Variants in IL27RA observed in about 807,000 individuals in gnomAD.
The protein encoded by IL27RA is interleukin-27 receptor subunit alpha.
IL27RA carries 61 observed loss-of-function variants against 80.8 expected under a neutral mutation model. The observed-to-expected ratio is 0.76, with a 90% CI of 0.61 to 0.93. The LOEUF (loss-of-function observed/expected upper bound fraction) is 0.93, where lower values mean the gene tolerates loss of function less well. IL27RA is among the 40% of genes least tolerant of loss of function. The probability of loss-of-function intolerance (pLI) is 0.00; values close to 1 mark genes in which losing one functional copy is unlikely to be tolerated. For synonymous variants in IL27RA, 316 were observed against 332.5 expected, an observed-to-expected ratio of 0.95 and a Z score of 0.54; for missense variants, 735 against 808.1, an observed-to-expected ratio of 0.91 and a Z score of 1.10.
intron 1 of IL27RA, 73 bp from the exon 2 acceptor site, chr19:14,032,313 C>T: frequency 8.5e-7 from 1 of 1,182,658 alleles, no homozygotes; most frequent in Non-Finnish European, 1.2e-6. Flanking sequence ...GTCAGAAGTC[C>T]AAGTTCTGGG....
At position 14,039,880 on chromosome 19, in the gene IL27RA, C is replaced by A; in HGVS notation, c.504C>A (p.Tyr168Ter). 2 of 1,614,140 alleles carry A rather than the reference C, an allele frequency of 1.2e-6. No homozygotes were observed. The highest frequency in any genetic ancestry group is 1.7e-6 in the Non-Finnish European group (2 of 1,180,028). ...SHKVLICQFH[Y>*]RRCQEAAWTL... ...AAGTTCTGATCTGCCAGTTCCACTA[C>A]CGAAGATGTCAGGAGGCGGCCTGGA... Residue 168 changes from tyrosine to a stop codon, truncating the protein, a stop_gained, in exon 4 of 14, where the codon TAC becomes TAA. Coordinates refer to ENST00000263379, the MANE Select transcript of IL27RA (RefSeq NM_004843.4). LOFTEE classifies it high-confidence loss of function.
At chr19:14,044,896 C>G (rs1976041083) in intron 6 of IL27RA, among the ~76,000 whole-genome samples, 1 of 151,462 alleles carries the variant, frequency 6.6e-6, no homozygotes, top group African/African-American at 2.4e-5. Context: ...GAGGCCGAGG[C>G]GGGTGGATCA....
rs1202923594 is a variant in IL27RA at position 14,051,985 on chromosome 19, G to A, written c.1716+12G>A. On this transcript the variant is annotated intron_variant, in intron 13 of 13. Coordinates refer to ENST00000263379, the MANE Select transcript of IL27RA (RefSeq NM_004843.4). ...AGCCCCACATGGAGGTGAGTCAAAG[G>A]GCCGGCTAGTCGGAGCCCTCTGGGG... 1 of 1,579,492 alleles carries A rather than the reference G, an allele frequency of 6.3e-7. No individual in the cohort carries two copies. Among genetic ancestry groups the A allele is most frequent in the Non-Finnish European group, 8.6e-7 (1 of 1,161,248 alleles).
chr19:14,044,427 A>C (rs2145692491), intron 6 of IL27RA, among the ~76,000 whole-genome samples: 1 of 152,028 alleles, frequency 6.6e-6, no homozygotes, highest in East Asian at 1.9e-4. Context: ...TTTAGTAGAG[A>C]CGAGGTTTCA....
Position 14,037,834 on chromosome 19 carries a change from C to CTTTTTTTTTTTTTTT in IL27RA, c.219-1673_219-1659dup, listed in dbSNP as rs1555764856. Among the ~76,000 whole-genome samples, 402 of 129,288 alleles carry CTTTTTTTTTTTTTTT rather than the reference C, an allele frequency of 3.1e-3. 5 individuals carry two copies. Among genetic ancestry groups the CTTTTTTTTTTTTTTT allele is most frequent in the African/African-American group, 0.01 (371 of 35,404 alleles). 84.8% of individuals were successfully genotyped at this position (129,288 alleles called of 152,430 possible). ...AGTGAGACCCTCTCGCTCTCTCTCT[C>CTTTTTTTTTTTTTTT]TTTTTTTTTTTTTTTGAAATGGAGT... is the stretch of plus-strand genomic sequence containing the variant. On this transcript the variant is annotated intron_variant, in intron 2 of 13. Coordinates refer to ENST00000263379, the MANE Select transcript of IL27RA (RefSeq NM_004843.4).
chr19:14,044,755 G>T (rs1282890882), intron 6 of IL27RA, among the ~76,000 whole-genome samples: 2 of 151,704 alleles, frequency 1.3e-5, no homozygotes, highest in African/African-American at 4.9e-5. Flanking sequence ...AGAGTCTGAG[G>T]CAGGAGGACC....
At chr19:14,043,729 TAA>T (rs1976023637) in intron 6 of IL27RA, among the ~76,000 whole-genome samples, 1 of 151,534 alleles carries the variant, frequency 6.6e-6, no homozygotes, top group Admixed American at 6.6e-5. Flanking sequence ...TGGCCTGTGC[TAA>T]GAGTTTAAAT....
intron 2 of IL27RA, 31 bp downstream of exon 2, chr19:14,032,534 G>C: frequency 6.7e-7 from 1 of 1,485,010 alleles, no homozygotes; most frequent in Non-Finnish European, 9.4e-7. Context: ...TGGGGAAACA[G>C]GCTTTGGAGG....
chr19:14,040,548 C>T (rs374381644), intron 4 of IL27RA, among the ~76,000 whole-genome samples: 123 of 151,826 alleles, frequency 8.1e-4, no homozygotes, highest in African/African-American at 2.9e-3. Flanking sequence ...TGACCAGGTG[C>T]GGTGGCTCAC....
chr19:14,052,401 A>G lies in IL27RA; in HGVS notation c.*111A>G. 1.1e-6 allele frequency: 1 copy of G among 888,780 alleles called. No homozygotes were observed. The highest frequency in any genetic ancestry group is 1.6e-6 in the Non-Finnish European group (1 of 617,466). The allele number at this position is 888,780 out of a possible 1,614,324, so 55.1% of individuals were successfully genotyped here. Reference sequence around the variant, plus strand: ...GGATGAAGACACTGAGGACTCAGAGAGGCTGAGTCACTTACCTGAGGACAC... The same window carrying G: ...GGATGAAGACACTGAGGACTCAGAGGGGCTGAGTCACTTACCTGAGGACAC... On this transcript the variant is annotated 3_prime_UTR_variant, in exon 14 of 14. Coordinates refer to ENST00000263379, the MANE Select transcript of IL27RA (RefSeq NM_004843.4).
chr19:14,042,355 C>A, intron 4 of IL27RA, 98 bp from the exon 5 acceptor site: 1 of 1,312,050 alleles, frequency 7.6e-7, no homozygotes, highest in Non-Finnish European at 1.1e-6. Flanking sequence ...CACAACGAGA[C>A]TGTCTCAAAA....
intron 4 of IL27RA, among the ~76,000 whole-genome samples, chr19:14,041,241 A>C (rs1975985653): frequency 6.6e-6 from 1 of 150,958 alleles, no homozygotes; most frequent in Non-Finnish European, 1.5e-5. Context: ...TGTGTTGCCC[A>C]GGCTGGAGTG....
At chr19:14,035,092 T>TG (rs999226329) in intron 2 of IL27RA, among the ~76,000 whole-genome samples, 7 of 151,536 alleles carry the variant, frequency 4.6e-5, no homozygotes, top group African/African-American at 1.7e-4. Flanking sequence ...CAGGCTCAGG[T>TG]GATCCTCCCA....
chr19:14,032,014 C>A, intron 1 of IL27RA, 42 bp downstream of exon 1: 2 of 1,526,796 alleles, frequency 1.3e-6, no homozygotes, highest in African/African-American at 1.4e-5. Context: ...GCTGCCGCTG[C>A]GCTCCCCGCG....
rs1975822566 is a variant in IL27RA, at chr19:14,031,981, T to C, written c.100+9T>C. The C allele has an allele frequency of 6.2e-7, 1 of 1,602,686 alleles. No individual in the cohort carries two copies. Among genetic ancestry groups the C allele is most frequent in the South Asian group, 1.1e-5 (1 of 89,776 alleles). On this transcript the variant is annotated intron_variant, in intron 1 of 13. Transcript: ENST00000263379. ...GCGGACGCGTCCCCAGGGTGAGTGC[T>C]GGAGGGAGCTCGTGTCCCGGGCGCT...
chr19:14,048,845 T>C (rs1047777802), intron 8 of IL27RA, 136 bp from the exon 9 acceptor site: 7 of 774,790 alleles, frequency 9.0e-6, no homozygotes, highest in Non-Finnish European at 1.1e-5. Flanking sequence ...TTTTCTGGGA[T>C]TACCTCCTAG....
At chr19:14,042,861 G>A (rs774281805) in intron 6 of IL27RA, 72 bp downstream of exon 6, 17 of 1,328,440 alleles carry the variant, frequency 1.3e-5, no homozygotes, top group African/African-American at 4.3e-5. Flanking sequence ...ACATAAGGCC[G>A]GATGCAGTGG....
chr19:14,038,611 G>C (rs943965378), intron 2 of IL27RA, among the ~76,000 whole-genome samples: 1 of 150,890 alleles, frequency 6.6e-6, no homozygotes, highest in Non-Finnish European at 1.5e-5. Context: ...AGGGCCGGGC[G>C]CAGTGGCTCA....
chr19:14,031,880 G>A lies in IL27RA; in HGVS notation c.8G>A (p.Gly3Glu). ...GGGCTCCCGAGGGACGCCATGCGGG[G>A]AGGCAGGGGCGCCCCTTTCTGGCTG... MR[G>E]GRGAPFWLWP... The change falls in exon 1 of 14, where the codon GGA (glycine) becomes GAA (glutamate). Residue 3 changes from glycine to glutamate, a missense_variant. By Grantham distance (98) the Gly-to-Glu change is moderately conservative. Transcript: ENST00000263379. The A allele has an allele frequency of 1.3e-6, 2 of 1,598,696 alleles. No homozygotes were observed. Among genetic ancestry groups the A allele is most frequent in the Non-Finnish European group, 1.7e-6 (2 of 1,173,756 alleles).
Sources: gnomAD v4.1 joint callset for allele counts (sites outside exome capture counted in the v4.1 genomes callset) on GRCh38, gnomAD v4.1.1 for gene constraint, MANE v1.5 for transcripts, NCBI Gene and HGNC (gene_info 2026-07-23, HGNC 2026-07-21) for gene names.